SMARCC1: variants seen among roughly 807,000 people sequenced by gnomAD.
The protein encoded by SMARCC1 is SWI/SNF related BAF chromatin remodeling complex subunit C1.
Under a neutral mutation model 147.4 loss-of-function variants are expected in SMARCC1, and 43 were observed. That is an observed-to-expected ratio of 0.29 (90% CI 0.23 to 0.38). The LOEUF is 0.38. Ranked by LOEUF, SMARCC1 falls within the 10% of genes least tolerant of loss-of-function variation. The pLI, the probability that SMARCC1 is intolerant of heterozygous loss-of-function variation, is 1.00. For missense variants in SMARCC1, 1,119 were observed against 1,381.1 expected, an observed-to-expected ratio of 0.81 and a Z score of 3.01; for synonymous variants, 495 against 484.4, an observed-to-expected ratio of 1.02 and a Z score of -0.29.
chr3:47,705,075 G>C (rs571814129), intron 10 of SMARCC1, among the ~76,000 whole-genome samples: 1 of 151,110 alleles, frequency 6.6e-6, no homozygotes, highest in East Asian at 1.9e-4. Context: ...TGTAATCCCA[G>C]CACTTTGGGA....
intron 2 of SMARCC1, among the ~76,000 whole-genome samples, chr3:47,767,189 G>GAAAAAA (rs375076788): frequency 5.0e-5 from 4 of 80,174 alleles, no homozygotes; most frequent in Admixed American, 2.0e-4. Context: ...TCTCCAAAAA[G>GAAAAAA]AAAAAAAAAA....
In SMARCC1 at chr3:47,728,113, G is replaced by A. The variant is rs367736961; in HGVS notation, c.646+912C>T. On this transcript the variant is annotated intron_variant, in intron 6 of 27. Transcript: ENST00000254480. ...TTTTTTTTTTTTTTTTTGAGATGGA[G>A]TCTCCTTCTGTCACCCAGGCTGGAG... 4.2e-3 allele frequency among the ~76,000 whole-genome samples: 416 copies of A among 98,166 alleles called. 4 individuals are homozygous for A. The highest frequency in any genetic ancestry group is 0.014 in the African/African-American group (378 of 26,118). 64.4% of individuals were successfully genotyped at this position (98,166 alleles called of 152,430 possible).
intron 4 of SMARCC1, among the ~76,000 whole-genome samples, chr3:47,736,720 A>T (rs1056451199): frequency 2.0e-5 from 3 of 151,976 alleles, no homozygotes; most frequent in African/African-American, 4.8e-5. Context: ...TAAAAAAAAT[A>T]AAAAATAGCA....
At chr3:47,625,344 G>C (rs1483695615) in intron 24 of SMARCC1, among the ~76,000 whole-genome samples, 1 of 151,862 alleles carries the variant, frequency 6.6e-6, no homozygotes, top group African/African-American at 2.4e-5. Context: ...AGGAAAAAAA[G>C]AAAGACCAGC....
intron 11 of SMARCC1, among the ~76,000 whole-genome samples, chr3:47,693,931 G>A (rs746931727): frequency 1.6e-4 from 24 of 152,246 alleles, no homozygotes; most frequent in Non-Finnish European, 2.4e-4. Context: ...CCAAAATGCC[G>A]GGATCACAGA....
At chr3:47,750,931 CTT>C (rs2034620985) in intron 2 of SMARCC1, among the ~76,000 whole-genome samples, 2 of 149,814 alleles carry the variant, frequency 1.3e-5, no homozygotes, top group Non-Finnish European at 1.5e-5. Flanking sequence ...GAGTCTCACT[CTT>C]GTCACCCAGG....
At chr3:47,763,660 A>T (rs142298256) in intron 2 of SMARCC1, among the ~76,000 whole-genome samples, 335 of 151,650 alleles carry the variant, frequency 2.2e-3, no homozygotes, top group African/African-American at 7.8e-3. Context: ...TAAGAAAAAA[A>T]ATATATATAT....
At chr3:47,699,330 A>AT (rs955693371) in intron 11 of SMARCC1, among the ~76,000 whole-genome samples, 1 of 152,100 alleles carries the variant, frequency 6.6e-6, no homozygotes, top group Non-Finnish European at 1.5e-5. Flanking sequence ...CCTGCTTATT[A>AT]TTTTTTTATC....
chr3:47,756,555 A>T lies in SMARCC1; in HGVS notation c.316-10562T>A, dbSNP rs1415559038. The stretch of plus-strand genomic sequence containing the variant: ...TCTCAAAAAAAAAAAAAAAAAAAAA[A>T]GGCAAAGATTTCTATAAGAACACAA... On this transcript the variant is annotated intron_variant, in intron 2 of 27. Coordinates refer to ENST00000254480, the MANE Select transcript of SMARCC1 (RefSeq NM_003074.4). Among the ~76,000 whole-genome samples, 4 of 143,524 alleles carry T rather than the reference A, an allele frequency of 2.8e-5. No homozygotes were observed. In the East Asian group the frequency reaches 6.2e-4, roughly 22 times the overall value. 94.2% of individuals were successfully genotyped at this position (143,524 alleles called of 152,430 possible). A position where few individuals can be genotyped will look rare whatever the true frequency, so the allele number is the denominator to read the frequency against.
At chr3:47,638,251 C>A (rs938271844) in intron 22 of SMARCC1, among the ~76,000 whole-genome samples, 5 of 152,150 alleles carry the variant, frequency 3.3e-5, no homozygotes, top group Non-Finnish European at 7.4e-5. Context: ...CACCACCACG[C>A]CTGGCTAATT....
intron 14 of SMARCC1, among the ~76,000 whole-genome samples, chr3:47,683,339 C>G (rs2033679073): frequency 6.6e-6 from 1 of 151,972 alleles, no homozygotes; most frequent in Non-Finnish European, 1.5e-5. Flanking sequence ...AGCCATCGCG[C>G]CCGGCCTATT....
chr3:47,678,828 A>G (rs2033604258), intron 15 of SMARCC1, among the ~76,000 whole-genome samples: 2 of 152,232 alleles, frequency 1.3e-5, no homozygotes, highest in Admixed American at 6.5e-5. Flanking sequence ...GCCAGAATTC[A>G]ATGCTGCCAG....
chr3:47,631,198 C>T (rs1279624295), intron 24 of SMARCC1, among the ~76,000 whole-genome samples: 1 of 152,152 alleles, frequency 6.6e-6, no homozygotes, highest in Non-Finnish European at 1.5e-5. Flanking sequence ...AGAAACAATG[C>T]ATCAAGTTAT....
At chr3:47,773,482 T>C (rs938471669) in intron 1 of SMARCC1, among the ~76,000 whole-genome samples, 1 of 149,858 alleles carries the variant, frequency 6.7e-6, no homozygotes, top group African/African-American at 2.5e-5. Flanking sequence ...CCCAAACCAG[T>C]AGTAGACACA....
chr3:47,761,268 C>T (rs1014701653), intron 2 of SMARCC1, among the ~76,000 whole-genome samples: 4 of 151,786 alleles, frequency 2.6e-5, no homozygotes, highest in Non-Finnish European at 5.9e-5. Flanking sequence ...TACCACTGTA[C>T]TTTAGCCTGG....
At chr3:47,689,255 C>CAA in intron 13 of SMARCC1, 132 bp downstream of exon 13, 1 of 666,626 alleles carries the variant, frequency 1.5e-6, no homozygotes, top group Non-Finnish European at 2.6e-6. Flanking sequence ...AAACTAAAAA[C>CAA]AAAAAAAAAT....
Position 47,670,670 on chromosome 3 carries a change from A to G in SMARCC1, c.1887T>C (p.Leu629=), listed in dbSNP as rs1232686454. 6.3e-7 allele frequency: 1 copy of G among 1,579,468 alleles called. No homozygotes were observed. Among genetic ancestry groups the G allele is most frequent in the East Asian group, 2.2e-5 (1 of 44,712 alleles). ...AGREWTEQET[L]LLLEALEMYK... is the part of the protein sequence containing the mutation. ...TTAATCTGCTTACCTCCAGGAGTAG[A>G]AGGGTCTCCTGTTCAGTCCATTCTC... Residue 629 remains leucine (L), a synonymous_variant, in exon 19 of 28, where the codon CTT becomes CTC. Transcript: ENST00000254480.
At chr3:47,719,398 T>C (rs1040501845) in intron 7 of SMARCC1, among the ~76,000 whole-genome samples, 8 of 152,014 alleles carry the variant, frequency 5.3e-5, no homozygotes, top group Admixed American at 6.6e-5. Context: ...TAAGTAGTTT[T>C]TGAAAAAAGC....
chr3:47,672,050 A>C (rs2033508681), intron 18 of SMARCC1, among the ~76,000 whole-genome samples: 2 of 152,066 alleles, frequency 1.3e-5, no homozygotes, highest in Non-Finnish European at 2.9e-5. Flanking sequence ...CACTTGCACA[A>C]AAAAAAATAA....
Sources: gnomAD v4.1 joint callset for allele counts (sites outside exome capture counted in the v4.1 genomes callset) on GRCh38, gnomAD v4.1.1 for gene constraint, MANE v1.5 for transcripts, NCBI Gene and HGNC (gene_info 2026-07-23, HGNC 2026-07-21) for gene names.